Variants in EPHA6 observed in about 807,000 individuals in gnomAD.
EPHA6 encodes the protein ephrin type-A receptor 6.
EPHA6 carries 50 observed loss-of-function variants against 112.0 expected under a neutral mutation model. The ratio of observed to expected loss-of-function variants is 0.45; its 90% CI spans 0.36 to 0.56. EPHA6 has a LOEUF of 0.56. Ranked by LOEUF, EPHA6 falls within the 20% of genes least tolerant of loss-of-function variation. The pLI is 0.00. For synonymous variants in EPHA6, 529 were observed against 490.7 expected, an observed-to-expected ratio of 1.08 and a Z score of -1.03; for missense variants, 1,280 against 1,417.4, an observed-to-expected ratio of 0.90 and a Z score of 1.56.
intron 2 of EPHA6, among the ~76,000 whole-genome samples, chr3:96,893,293 T>C (rs2038082129): frequency 1.3e-5 from 2 of 152,200 alleles, no homozygotes; most frequent in African/African-American, 2.4e-5. Flanking sequence ...TTATTTCTAC[T>C]TATAAAAAAG....
At chr3:97,042,591 A>G (rs747343674) in intron 3 of EPHA6, among the ~76,000 whole-genome samples, 2 of 152,088 alleles carry the variant, frequency 1.3e-5, no homozygotes, top group Non-Finnish European at 2.9e-5. Flanking sequence ...ACACATCTCT[A>G]TGTCTCAGGA....
At chr3:97,486,399 T>C (rs780779133) in intron 10 of EPHA6, among the ~76,000 whole-genome samples, 3 of 152,244 alleles carry the variant, frequency 2.0e-5, no homozygotes, top group Non-Finnish European at 2.9e-5. Context: ...TTTATTCCTT[T>C]AGATCATTGT....
chr3:97,618,919 C>T lies in EPHA6; in HGVS notation c.2574+8065C>T, dbSNP rs570763815. Among the ~76,000 whole-genome samples, 9 of 152,126 alleles carry T rather than the reference C, an allele frequency of 5.9e-5. No individual in the cohort carries two copies. In the South Asian group the frequency reaches 1.9e-3, roughly 32 times the overall value. On this transcript the variant is annotated intron_variant, in intron 13 of 17. Coordinates refer to ENST00000389672, the MANE Select transcript of EPHA6 (RefSeq NM_001080448.3). ...TCCACCATAACTCATTCTATGAGGC[C>T]AGCATCTTCCTGATACCAAAACCTG...
intron 5 of EPHA6, among the ~76,000 whole-genome samples, chr3:97,283,606 G>C (rs903762799): frequency 5.9e-5 from 9 of 151,968 alleles, no homozygotes; most frequent in African/African-American, 1.5e-4. Context: ...AGCCTTTCAG[G>C]GGGGTGAGGG....
chr3:97,071,783 C>A (rs560374035), intron 3 of EPHA6, among the ~76,000 whole-genome samples: 5 of 151,958 alleles, frequency 3.3e-5, no homozygotes, highest in East Asian at 3.9e-4. Context: ...TACATAAGTT[C>A]TTTAATGATT....
intron 5 of EPHA6, among the ~76,000 whole-genome samples, chr3:97,367,589 T>G (rs993406266): frequency 5.9e-5 from 9 of 152,050 alleles, no homozygotes; most frequent in Non-Finnish European, 1.2e-4. Context: ...TTTTGTAGTT[T>G]TCTGTTTCTA....
chr3:96,992,149 C>T lies in EPHA6; in HGVS notation c.1114+4156C>T, dbSNP rs192754792. ...GAAACCTCTTTAATTTGATCAACAACGTTATGAAGTGGTTTTTCTCTCTTC... is the reference window on the plus strand; with the variant it reads ...GAAACCTCTTTAATTTGATCAACAATGTTATGAAGTGGTTTTTCTCTCTTC... On this transcript the variant is annotated intron_variant, in intron 3 of 17. Coordinates refer to ENST00000389672, the MANE Select transcript of EPHA6 (RefSeq NM_001080448.3). Among the ~76,000 whole-genome samples the T allele has an allele frequency of 3.0e-3, 462 of 152,202 alleles. 2 individuals carry two copies. The highest frequency in any genetic ancestry group is 0.01 in the African/African-American group (435 of 41,530).
intron 13 of EPHA6, among the ~76,000 whole-genome samples, chr3:97,619,635 A>G (rs1050236898): frequency 6.6e-6 from 1 of 152,062 alleles, no homozygotes; most frequent in South Asian, 2.1e-4. Context: ...AGTCAGGCCA[A>G]TAGCCAAATC....
chr3:97,140,299 GC>G (rs2075867253), intron 3 of EPHA6, among the ~76,000 whole-genome samples: 1 of 152,104 alleles, frequency 6.6e-6, no homozygotes, highest in Non-Finnish European at 1.5e-5. Flanking sequence ...CCCTGGTCTT[GC>G]CAGAGATGTA....
At chr3:97,239,561 A>C (rs1439457682) in intron 4 of EPHA6, among the ~76,000 whole-genome samples, 1 of 151,964 alleles carries the variant, frequency 6.6e-6, no homozygotes, top group African/African-American at 2.4e-5. Context: ...AAGCAAGAGA[A>C]AATAAAATGT....
At chr3:97,738,772 C>T (rs946800921) in intron 16 of EPHA6, among the ~76,000 whole-genome samples, 1 of 152,066 alleles carries the variant, frequency 6.6e-6, no homozygotes, top group Admixed American at 6.6e-5. Context: ...CTCTGGGAAA[C>T]CAAATTGAAG....
chr3:97,000,262 AACACACACAC>A (rs368625563), intron 3 of EPHA6, among the ~76,000 whole-genome samples: 2 of 140,486 alleles, frequency 1.4e-5, no homozygotes, highest in Non-Finnish European at 3.1e-5. Context: ...TGTATGTATA[AACACACACAC>A]ACACACACAC....
At chr3:96,956,035 C>T (rs1169726792) in intron 2 of EPHA6, among the ~76,000 whole-genome samples, 6 of 152,266 alleles carry the variant, frequency 3.9e-5, no homozygotes, top group Middle Eastern at 3.4e-3. Flanking sequence ...AACATGCTCT[C>T]TGAATTCCTG....
intron 5 of EPHA6, among the ~76,000 whole-genome samples, chr3:97,363,701 T>C (rs2108947503): frequency 6.6e-6 from 1 of 152,184 alleles, no homozygotes; most frequent in South Asian, 2.1e-4. Flanking sequence ...GTTATTTGTG[T>C]ACCAGTGTTT....
intron 10 of EPHA6, among the ~76,000 whole-genome samples, chr3:97,521,923 C>CAAAAAA (rs754123519): frequency 1.1e-5 from 1 of 87,966 alleles, no homozygotes; most frequent in Non-Finnish European, 2.6e-5. Flanking sequence ...GAGCCTTTTT[C>CAAAAAA]AAAAAAAAAA....
chr3:96,987,022 A>T (rs1482775425), intron 2 of EPHA6, among the ~76,000 whole-genome samples: 1 of 152,194 alleles, frequency 6.6e-6, no homozygotes, highest in African/African-American at 2.4e-5. Flanking sequence ...TATCTAATTT[A>T]CACCTTACAA....
At chr3:97,645,369 C>T (rs930285676) in intron 14 of EPHA6, among the ~76,000 whole-genome samples, 2 of 145,254 alleles carry the variant, frequency 1.4e-5, no homozygotes, top group South Asian at 4.6e-4. Flanking sequence ...TTTGTAGGGA[C>T]ATGGATGACA....
intron 14 of EPHA6, among the ~76,000 whole-genome samples, chr3:97,678,223 G>C (rs1400586432): frequency 6.6e-6 from 1 of 152,170 alleles, no homozygotes; most frequent in Non-Finnish European, 1.5e-5. Flanking sequence ...TCCCAGCCTA[G>C]TGTATATGGC....
At chr3:97,029,671 T>A (rs2044757366) in intron 3 of EPHA6, among the ~76,000 whole-genome samples, 1 of 152,118 alleles carries the variant, frequency 6.6e-6, no homozygotes, top group Non-Finnish European at 1.5e-5. Flanking sequence ...TGTGGTGGTT[T>A]CATCAAAATT....
Sources: allele counts gnomAD v4.1 joint callset (sites outside exome capture counted in the v4.1 genomes callset), GRCh38; gene constraint gnomAD v4.1.1; transcripts MANE v1.5; gene names NCBI Gene and HGNC (gene_info 2026-07-23, HGNC 2026-07-21).